The following MKLN1 variants were observed in gnomAD, a reference collection of about 807,000 sequenced individuals.
MKLN1 encodes the protein muskelin 1, also known as muskelin.
MKLN1 carries 18 observed loss-of-function variants against 99.0 expected under a neutral mutation model. That is an observed-to-expected ratio of 0.18 (90% CI 0.13 to 0.27). The LOEUF (loss-of-function observed/expected upper bound fraction) is 0.27. Ranked by LOEUF, MKLN1 falls within the 10% of genes least tolerant of loss-of-function variation. MKLN1 has a pLI of 1.00. For synonymous variants in MKLN1, 288 were observed against 293.2 expected (o/e 0.98, Z 0.18); for missense variants, 621 against 875.9 (o/e 0.71, Z 3.67).
intron 8 of MKLN1, among the ~76,000 whole-genome samples, chr7:131,425,579 C>G (rs1461724067): frequency 6.6e-6 from 1 of 152,238 alleles, no homozygotes; most frequent in East Asian, 1.9e-4. Flanking sequence ...TTTGCGAATT[C>G]TCAGTACTCA....
intron 3 of MKLN1, among the ~76,000 whole-genome samples, chr7:131,243,296 T>A (rs1201244135): frequency 6.6e-6 from 1 of 152,164 alleles, no homozygotes; most frequent in Non-Finnish European, 1.5e-5. Flanking sequence ...TACCTGCTCT[T>A]CAGGGGGCCT....
chr7:131,251,093 A>ATGTG (rs34359037), intron 3 of MKLN1, among the ~76,000 whole-genome samples: 14,022 of 146,146 alleles, frequency 0.096, 766 homozygotes, highest in African/African-American at 0.16. Flanking sequence ...TGGGGCCCAG[A>ATGTG]TGTGTGTGTG....
At chr7:131,352,474 A>G (rs2116768012) in intron 1 of MKLN1, among the ~76,000 whole-genome samples, 1 of 152,274 alleles carries the variant, frequency 6.6e-6, no homozygotes, top group African/African-American at 2.4e-5. Flanking sequence ...TGCTATTTCC[A>G]GTTCAAATTT....
At chr7:131,252,863 A>G (rs1032210090) in intron 3 of MKLN1, among the ~76,000 whole-genome samples, 1 of 152,174 alleles carries the variant, frequency 6.6e-6, no homozygotes, top group Non-Finnish European at 1.5e-5. Context: ...CCAGAGGGTA[A>G]TCTATTAACA....
intron 1 of MKLN1, chr7:131,110,339 C>T: frequency 6.2e-6 from 1 of 161,810 alleles, no homozygotes; most frequent in Non-Finnish European, 1.3e-5. Context: ...GGGACCCAGG[C>T]CGTAATAAGG....
chr7:131,420,728 C>T (rs774516955), intron 8 of MKLN1, among the ~76,000 whole-genome samples: 6 of 152,176 alleles, frequency 3.9e-5, no homozygotes, highest in Non-Finnish European at 8.8e-5. Context: ...TATACCATTG[C>T]TGTCTCTCCA....
At chr7:131,458,901 T>C (rs1796427601) in intron 12 of MKLN1, among the ~76,000 whole-genome samples, 1 of 152,024 alleles carries the variant, frequency 6.6e-6, no homozygotes, top group Non-Finnish European at 1.5e-5. Flanking sequence ...GCCAAAAGAG[T>C]TGTGATACTT....
At chr7:131,471,570 G>A (rs1367169331) in intron 16 of MKLN1, 1 of 152,198 alleles carries the variant, frequency 6.6e-6, no homozygotes, top group Non-Finnish European at 1.5e-5. Context: ...TTAAGGACAT[G>A]TTTGCTTATC....
chr7:131,456,527 C>T (rs1031327272), intron 12 of MKLN1, among the ~76,000 whole-genome samples: 1 of 152,036 alleles, frequency 6.6e-6, no homozygotes, highest in Non-Finnish European at 1.5e-5. Flanking sequence ...CCACTAGTGT[C>T]AGAATTCGGT....
intron 1 of MKLN1, among the ~76,000 whole-genome samples, chr7:131,353,809 A>C (rs1474206580): frequency 1.4e-5 from 2 of 147,288 alleles, no homozygotes; most frequent in African/African-American, 5.0e-5. Flanking sequence ...GTTTTAGGTC[A>C]ATTTTTTTTT....
intron 3 of MKLN1, among the ~76,000 whole-genome samples, chr7:131,229,237 C>A (rs764349525): frequency 1.1e-4 from 16 of 151,688 alleles, no homozygotes; most frequent in Non-Finnish European, 2.1e-4. Flanking sequence ...TAGGTATACA[C>A]GTGCCATGGT....
chr7:131,449,306 A>G (rs1228778878), intron 12 of MKLN1, among the ~76,000 whole-genome samples: 1 of 152,220 alleles, frequency 6.6e-6, no homozygotes, highest in Non-Finnish European at 1.5e-5. Context: ...GATAAGAGTC[A>G]GAGTATTTAG....
intron 3 of MKLN1, among the ~76,000 whole-genome samples, chr7:131,284,537 G>A (rs1798104905): frequency 6.6e-6 from 1 of 152,176 alleles, no homozygotes; most frequent in Admixed American, 6.5e-5. Context: ...GAAAGGGTGG[G>A]GAAGTACCAC....
chr7:131,172,747 G>A (rs1055984059), intron 2 of MKLN1, among the ~76,000 whole-genome samples: 1 of 152,226 alleles, frequency 6.6e-6, no homozygotes, highest in Non-Finnish European at 1.5e-5. Context: ...GAAAGGTTCT[G>A]ATGTATACAA....
At chr7:131,249,924 C>A (rs1036133051) in intron 3 of MKLN1, among the ~76,000 whole-genome samples, 1 of 152,150 alleles carries the variant, frequency 6.6e-6, no homozygotes, top group Non-Finnish European at 1.5e-5. Flanking sequence ...GAACCACTAA[C>A]TGACTTTCTG....
At chr7:131,444,609 C>T (rs150983620) in intron 11 of MKLN1, among the ~76,000 whole-genome samples, 4 of 151,782 alleles carry the variant, frequency 2.6e-5, no homozygotes, top group African/African-American at 7.2e-5. Flanking sequence ...CCGACTGGAG[C>T]GCAGATCGTA....
chr7:131,204,768 A>G (rs889131907), intron 3 of MKLN1, among the ~76,000 whole-genome samples: 1 of 152,140 alleles, frequency 6.6e-6, no homozygotes, highest in Non-Finnish European at 1.5e-5. Flanking sequence ...GATCGAGACC[A>G]TCCTGGCTAC....
intron 1 of MKLN1, among the ~76,000 whole-genome samples, chr7:131,142,145 C>T (rs1299804732): frequency 2.0e-5 from 3 of 151,634 alleles, no homozygotes; most frequent in Non-Finnish European, 2.9e-5. Flanking sequence ...CGGTGGCTCA[C>T]GCCTGTAATC....
chr7:131,227,809 GC>G (rs1339427907), intron 3 of MKLN1, among the ~76,000 whole-genome samples: 1 of 151,992 alleles, frequency 6.6e-6, no homozygotes, highest in Non-Finnish European at 1.5e-5. Flanking sequence ...CAAGGAATCT[GC>G]CCGCCTCAGC....
Sources: gnomAD v4.1 joint callset for allele counts (sites outside exome capture counted in the v4.1 genomes callset) on GRCh38, gnomAD v4.1.1 for gene constraint, MANE v1.5 for transcripts, NCBI Gene and HGNC (gene_info 2026-07-23, HGNC 2026-07-21) for gene names.